Variants in NRXN3 observed in about 807,000 individuals in gnomAD.
NRXN3 encodes neurexin III.
Under a neutral mutation model 137.6 loss-of-function variants are expected in NRXN3, and 32 were observed. That is an observed-to-expected ratio of 0.23 (90% CI 0.18 to 0.31). The LOEUF (loss-of-function observed/expected upper bound fraction) is 0.31. Ranked by LOEUF, NRXN3 falls within the 10% of genes least tolerant of loss-of-function variation. The pLI, the probability that NRXN3 is intolerant of heterozygous loss-of-function variation, is 1.00. For missense variants in NRXN3, 1,574 were observed against 2,062.5 expected (o/e 0.76, Z 4.59); for synonymous variants, 798 against 784.5 (o/e 1.02, Z -0.29).
chr14:79,291,042 C>T (rs189293653), intron 15 of NRXN3, among the ~76,000 whole-genome samples: 29 of 152,280 alleles, frequency 1.9e-4, no homozygotes, highest in African/African-American at 6.7e-4. Flanking sequence ...AGAGAGGATC[C>T]TGTGATTTGG....
intron 15 of NRXN3, among the ~76,000 whole-genome samples, chr14:79,286,214 G>T (rs1334665496): frequency 1.3e-5 from 2 of 151,904 alleles, no homozygotes; most frequent in African/African-American, 2.4e-5. Context: ...CTACCCTTCT[G>T]ACCCAGACCC....
chr14:78,440,943 C>T (rs1365483987), intron 4 of NRXN3, among the ~76,000 whole-genome samples: 2 of 152,322 alleles, frequency 1.3e-5, no homozygotes, highest in African/African-American at 2.4e-5. Flanking sequence ...GTCCAACTGT[C>T]TGTGTCCTGA....
At chr14:78,533,380 G>A (rs1048004351) in intron 4 of NRXN3, among the ~76,000 whole-genome samples, 3 of 152,002 alleles carry the variant, frequency 2.0e-5, no homozygotes, top group Admixed American at 2.0e-4. Flanking sequence ...TTATCCTCCT[G>A]TATCACTAGT....
In NRXN3 at chr14:78,645,213, C is replaced by A; in HGVS notation, c.851C>A (p.Thr284Asn). 2 of 1,598,408 alleles carry A rather than the reference C, an allele frequency of 1.3e-6. No homozygotes were observed. The highest frequency in any genetic ancestry group is 1.7e-6 in the Non-Finnish European group (2 of 1,179,684). Residue 284 changes from threonine (T) to asparagine (N), a missense_variant, in exon 5 of 21, where the codon ACC (threonine) becomes AAC (asparagine). This residue lies in a region of NRXN3 where 400 missense variants were observed against 527.3 expected (regional missense o/e 0.76). Transcript: ENST00000335750. Reference protein sequence around the residue: ...NPIQSSSDEITLSFKTWQRNG... With the variant: ...NPIQSSSDEINLSFKTWQRNG... ...ATCCAGAGCAGCAGTGATGAAATCA[C>A]CCTCTCCTTTAAGACCTGGCAGCGT...
At chr14:79,023,573 T>G (rs2099593329) in intron 15 of NRXN3, among the ~76,000 whole-genome samples, 1 of 152,028 alleles carries the variant, frequency 6.6e-6, no homozygotes, top group South Asian at 2.1e-4. Flanking sequence ...CTGGGTACTT[T>G]AAAAAGAAAA....
intron 8 of NRXN3, among the ~76,000 whole-genome samples, chr14:78,755,290 G>C (rs1341483307): frequency 1.3e-5 from 2 of 151,456 alleles, no homozygotes; most frequent in Non-Finnish European, 2.9e-5. Context: ...GCCTCCCAAA[G>C]TGGTGGGATT....
chr14:78,811,296 C>T (rs1397222833), intron 10 of NRXN3, among the ~76,000 whole-genome samples: 1 of 152,136 alleles, frequency 6.6e-6, no homozygotes, highest in Non-Finnish European at 1.5e-5. Context: ...AGAGGTAATT[C>T]AGGGATCTAG....
intron 15 of NRXN3, among the ~76,000 whole-genome samples, chr14:79,417,980 A>G (rs1044016665): frequency 6.6e-6 from 1 of 152,032 alleles, no homozygotes; most frequent in African/African-American, 2.4e-5. Flanking sequence ...AAAAAGAAGA[A>G]GAAAAAAGAT....
chr14:78,250,139 T>C (rs1253263761), intron 2 of NRXN3: 1 of 512,474 alleles, frequency 2.0e-6, no homozygotes, highest in Admixed American at 2.0e-5. Flanking sequence ...TGCCCAAGAT[T>C]GTGCAGGTAT....
chr14:79,234,293 A>AATATACATATAT, intron 15 of NRXN3, among the ~76,000 whole-genome samples: 1 of 56,188 alleles, frequency 1.8e-5, no homozygotes, highest in East Asian at 7.0e-4. Flanking sequence ...TTCAATGGTA[A>AATATACATATAT]ATATATATAT....
intron 1 of NRXN3, among the ~76,000 whole-genome samples, chr14:78,219,769 A>C (rs2153423092): frequency 6.6e-6 from 1 of 152,302 alleles, no homozygotes; most frequent in African/African-American, 2.4e-5. Flanking sequence ...TGATCTCTTT[A>C]AATGTGAGTT....
intron 4 of NRXN3, among the ~76,000 whole-genome samples, chr14:78,511,071 A>C (rs1312516084): frequency 6.6e-6 from 1 of 152,166 alleles, no homozygotes; most frequent in Non-Finnish European, 1.5e-5. Flanking sequence ...CTTATTTCTA[A>C]TGCCTCCTAG....
At chr14:79,454,506 G>C (rs538217490) in intron 15 of NRXN3, among the ~76,000 whole-genome samples, 1 of 152,120 alleles carries the variant, frequency 6.6e-6, no homozygotes, top group African/African-American at 2.4e-5. Context: ...ATGAGTCACC[G>C]TGCCCAGCCC....
At chr14:79,221,080 A>G (rs910637356) in intron 15 of NRXN3, among the ~76,000 whole-genome samples, 1 of 152,180 alleles carries the variant, frequency 6.6e-6, no homozygotes, top group Non-Finnish European at 1.5e-5. Flanking sequence ...AAAGGACATG[A>G]ACTCATCCTT....
At chr14:79,096,977 T>G (rs535240639) in intron 15 of NRXN3, among the ~76,000 whole-genome samples, 1 of 152,276 alleles carries the variant, frequency 6.6e-6, no homozygotes, top group Non-Finnish European at 1.5e-5. Context: ...TGGCAGCCTT[T>G]ATGCTTTCAG....
chr14:79,571,339 A>G (rs2097599303), intron 16 of NRXN3, among the ~76,000 whole-genome samples: 1 of 152,222 alleles, frequency 6.6e-6, no homozygotes, highest in Non-Finnish European at 1.5e-5. Flanking sequence ...ACTGCAAGAC[A>G]TATCCTCACT....
At position 79,049,511 on chromosome 14, in the gene NRXN3, T is replaced by C. The variant is rs574412219; in HGVS notation, c.3262+61370T>C. On this transcript the variant is annotated intron_variant, in intron 15 of 20. Coordinates refer to ENST00000335750, the MANE Select transcript of NRXN3 (RefSeq NM_001330195.2). ...AACCCCATAAAGCCATCTACGGGGGTTGACATCAACTTCTTCCAAACTCCC... is the reference window on the plus strand; with the variant it reads ...AACCCCATAAAGCCATCTACGGGGGCTGACATCAACTTCTTCCAAACTCCC... Among the ~76,000 whole-genome samples the C allele has an allele frequency of 5.9e-5, 9 of 152,298 alleles. No homozygotes were observed. The South Asian group carries it at 1.0e-3, about 18-fold the overall frequency.
intron 15 of NRXN3, among the ~76,000 whole-genome samples, chr14:79,050,028 C>T (rs2152566789): frequency 6.6e-6 from 1 of 152,252 alleles, no homozygotes; most frequent in East Asian, 1.9e-4. Flanking sequence ...AATATCATAA[C>T]AGTAAACAAA....
intron 6 of NRXN3, among the ~76,000 whole-genome samples, chr14:78,667,628 G>T (rs75613481): frequency 0.025 from 3,805 of 152,256 alleles, 85 homozygotes; most frequent in Non-Finnish European, 0.035. Flanking sequence ...TTGAAATGTG[G>T]TCAAAGGAGA....
Sources: gnomAD v4.1 joint callset for allele counts (sites outside exome capture counted in the v4.1 genomes callset) on GRCh38, gnomAD v4.1.1 for gene constraint, gnomAD v4.1.1 regional missense constraint, MANE v1.5 for transcripts, NCBI Gene and HGNC (gene_info 2026-07-23, HGNC 2026-07-21) for gene names.